The following DEPDC1B variants were observed in gnomAD, a reference collection of about 807,000 sequenced individuals.
The protein encoded by DEPDC1B is DEP domain containing 1B.
DEPDC1B carries 51 observed loss-of-function variants against 66.5 expected under a neutral mutation model. The observed-to-expected ratio is 0.77, with a 90% CI of 0.61 to 0.97. DEPDC1B has a LOEUF of 0.97. Among genes scored for constraint, DEPDC1B ranks in the 50% least tolerant of loss-of-function variants. The pLI is 0.00. For synonymous variants in DEPDC1B, 226 were observed against 223.6 expected, an observed-to-expected ratio of 1.01 and a Z score of -0.10; for missense variants, 552 against 637.1, an observed-to-expected ratio of 0.87 and a Z score of 1.44.
At position 60,654,908 on chromosome 5, in the gene DEPDC1B, T is replaced by C. The variant is rs965453636; in HGVS notation, c.315-7375A>G. Among the ~76,000 whole-genome samples the C allele has an allele frequency of 3.4e-5, 5 of 149,184 alleles. 1 individual carries two copies. Among genetic ancestry groups the C allele is most frequent in the African/African-American group, 1.3e-4 (5 of 39,586 alleles). ...ATCATGATTTTTGTTTTTAGTTCTG[T>C]TTATGTGGTATATCACATTTATTGA... On this transcript the variant is annotated intron_variant, in intron 2 of 10. Transcript: ENST00000265036.
At chr5:60,695,721 C>T (rs1013358578) in intron 1 of DEPDC1B, among the ~76,000 whole-genome samples, 8 of 152,328 alleles carry the variant, frequency 5.3e-5, no homozygotes, top group African/African-American at 1.9e-4. Context: ...GTTGTCATTA[C>T]AGTCAATTAA....
intron 2 of DEPDC1B, among the ~76,000 whole-genome samples, chr5:60,658,292 G>A (rs1753624126): frequency 1.3e-5 from 2 of 152,076 alleles, no homozygotes; most frequent in Non-Finnish European, 2.9e-5. Context: ...TTCTTTTTCT[G>A]GCAATTCAAG....
intron 2 of DEPDC1B, among the ~76,000 whole-genome samples, chr5:60,684,313 C>A (rs1351948047): frequency 6.6e-6 from 1 of 152,068 alleles, no homozygotes; most frequent in Non-Finnish European, 1.5e-5. Flanking sequence ...GCCAAAAGAA[C>A]AAAGCTGACA....
At chr5:60,648,590 G>T (rs1386021442) in intron 2 of DEPDC1B, among the ~76,000 whole-genome samples, 1 of 152,130 alleles carries the variant, frequency 6.6e-6, no homozygotes, top group African/African-American at 2.4e-5. Context: ...TCTTCAAATA[G>T]AGAAACATTT....
intron 2 of DEPDC1B, among the ~76,000 whole-genome samples, chr5:60,657,138 T>C (rs1485994668): frequency 6.6e-6 from 1 of 152,246 alleles, no homozygotes; most frequent in East Asian, 1.9e-4. Flanking sequence ...TCCATTTGCA[T>C]GGAATATCTT....
chr5:60,648,679 C>G (rs1753375934), intron 2 of DEPDC1B, among the ~76,000 whole-genome samples: 1 of 152,022 alleles, frequency 6.6e-6, no homozygotes, highest in African/African-American at 2.4e-5. Flanking sequence ...AAAGAATATC[C>G]AATAACTATT....
rs117396970 is a variant in DEPDC1B at position 60,652,708 on chromosome 5, G to A, written c.315-5175C>T. On this transcript the variant is annotated intron_variant, in intron 2 of 10. Coordinates refer to ENST00000265036, the MANE Select transcript of DEPDC1B (RefSeq NM_018369.3). Reference sequence around the variant, plus strand: ...TGAGATTTTGGTGCACCCATCACCCGAGCAGTGTATACTGTAACCAATGTA... The same window carrying A: ...TGAGATTTTGGTGCACCCATCACCCAAGCAGTGTATACTGTAACCAATGTA... 1.0e-3 allele frequency among the ~76,000 whole-genome samples: 151 copies of A among 148,930 alleles called. 18 individuals carry two copies. In the East Asian group the frequency reaches 0.021, roughly 21 times the overall value.
At chr5:60,605,209 A>G (rs1331467232) in intron 8 of DEPDC1B, among the ~76,000 whole-genome samples, 2 of 152,246 alleles carry the variant, frequency 1.3e-5, no homozygotes, top group African/African-American at 4.8e-5. Context: ...CCAGTGAGAC[A>G]GGAGGATCAA....
At chr5:60,694,264 T>C (rs1382585331) in intron 1 of DEPDC1B, among the ~76,000 whole-genome samples, 1 of 152,168 alleles carries the variant, frequency 6.6e-6, no homozygotes, top group Non-Finnish European at 1.5e-5. Context: ...AAACACGCTT[T>C]TGCACCTAAC....
At chr5:60,677,625 C>T (rs1285179306) in intron 2 of DEPDC1B, among the ~76,000 whole-genome samples, 1 of 152,030 alleles carries the variant, frequency 6.6e-6, no homozygotes, top group Non-Finnish European at 1.5e-5. Flanking sequence ...CACCCTTGAA[C>T]TCTGGGACTC....
chr5:60,665,322 T>A (rs1753813311), intron 2 of DEPDC1B, among the ~76,000 whole-genome samples: 2 of 152,198 alleles, frequency 1.3e-5, no homozygotes, highest in South Asian at 4.1e-4. Context: ...GGACCAGGCC[T>A]TTTCAAAACT....
chr5:60,604,215 A>ATTTTTTTTTTTT lies in DEPDC1B; in HGVS notation c.1066-649_1066-648insAAAAAAAAAAAA, dbSNP rs1323826916. On this transcript the variant is annotated intron_variant, in intron 8 of 10. Coordinates refer to ENST00000265036, the MANE Select transcript of DEPDC1B (RefSeq NM_018369.3). ...AATTTCCATAGAATTGAAATTAACT[A>ATTTTTTTTTTTT]TTCTTTTTTTTTTTTTTTTTTTTTT... 3.5e-3 allele frequency among the ~76,000 whole-genome samples: 209 copies of ATTTTTTTTTTTT among 59,866 alleles called. 2 individuals are homozygous for ATTTTTTTTTTTT. The highest frequency in any genetic ancestry group is 5.8e-3 in the Non-Finnish European group (140 of 24,152). The allele number at this position is 59,866 out of a possible 152,430, so 39.3% of individuals were successfully genotyped here.
At chr5:60,679,280 T>C (rs1584096899) in intron 2 of DEPDC1B, among the ~76,000 whole-genome samples, 3 of 152,328 alleles carry the variant, frequency 2.0e-5, no homozygotes, top group Admixed American at 6.5e-5. Flanking sequence ...ACCAACACCA[T>C]AGTATTAACT....
chr5:60,607,582 G>T (rs1388530205), intron 7 of DEPDC1B, among the ~76,000 whole-genome samples: 1 of 151,976 alleles, frequency 6.6e-6, no homozygotes, highest in African/African-American at 2.4e-5. Flanking sequence ...TTTTCCAGAA[G>T]ATAAAAAGCA....
intron 2 of DEPDC1B, among the ~76,000 whole-genome samples, chr5:60,654,887 T>C (rs1234454584): frequency 6.7e-6 from 1 of 149,048 alleles, no homozygotes; most frequent in Non-Finnish European, 1.5e-5. Context: ...GGGATGATCA[T>C]GATTTTTGTT....
At chr5:60,652,300 C>A (rs568703553) in intron 2 of DEPDC1B, among the ~76,000 whole-genome samples, 1 of 149,156 alleles carries the variant, frequency 6.7e-6, no homozygotes, top group Non-Finnish European at 1.5e-5. Flanking sequence ...AAACCATCAC[C>A]GTGTATCCTC....
At chr5:60,625,968 G>A (rs1387140776) in intron 7 of DEPDC1B, among the ~76,000 whole-genome samples, 1 of 152,032 alleles carries the variant, frequency 6.6e-6, no homozygotes, top group Non-Finnish European at 1.5e-5. Context: ...AACTCCTAAA[G>A]TCAAATTTAG....
intron 7 of DEPDC1B, among the ~76,000 whole-genome samples, chr5:60,616,784 G>C (rs537937815): frequency 6.6e-6 from 1 of 152,170 alleles, no homozygotes; most frequent in African/African-American, 2.4e-5. Context: ...GAAATACAGA[G>C]AACGCCACAA....
chr5:60,642,345 G>A (rs1270728129), intron 6 of DEPDC1B, among the ~76,000 whole-genome samples: 1 of 152,176 alleles, frequency 6.6e-6, no homozygotes, highest in African/African-American at 2.4e-5. Context: ...TAGTGTTTCT[G>A]AGATACTATA....
Sources: allele counts gnomAD v4.1 joint callset (sites outside exome capture counted in the v4.1 genomes callset), GRCh38; gene constraint gnomAD v4.1.1; transcripts MANE v1.5; gene names NCBI Gene and HGNC (gene_info 2026-07-23, HGNC 2026-07-21).